ATRX: variants seen among roughly 807,000 people sequenced by gnomAD.
ATRX encodes ATRX chromatin remodeler.
Under a neutral mutation model 172.6 loss-of-function variants are expected in ATRX, and 12 were observed. The observed-to-expected ratio is 0.07, with a 90% CI of 0.04 to 0.11. The LOEUF is 0.11. ATRX is among the 10% of genes least tolerant of loss of function. ATRX has a pLI of 1.00. For missense variants in ATRX, 1,368 were observed against 1,767.4 expected, an observed-to-expected ratio of 0.77 and a Z score of 4.05; for synonymous variants, 674 against 594.7, an observed-to-expected ratio of 1.13 and a Z score of -1.94.
At chrX:77,608,075 C>T (rs1400568444) in intron 22 of ATRX, among the ~76,000 whole-genome samples, 1 of 110,849 alleles carries the variant, frequency 9.0e-6, no homozygotes, top group Non-Finnish European at 1.9e-5. Context: ...CAGCATCGTA[C>T]TAGCATAAAA....
At chrX:77,527,171 C>G (rs137962127) in intron 30 of ATRX, among the ~76,000 whole-genome samples, 268 of 112,226 alleles carry the variant, frequency 2.4e-3, no homozygotes, top group African/African-American at 8.4e-3. Context: ...CACATTGACA[C>G]ACACACACCT....
chrX:77,549,071 A>G (rs1275390263), intron 30 of ATRX, among the ~76,000 whole-genome samples: 7 of 111,995 alleles, frequency 6.3e-5, no homozygotes, highest in Non-Finnish European at 1.3e-4. Flanking sequence ...GGAACAAAAC[A>G]CCCACTTAAG....
At chrX:77,582,411 A>T (rs2065857941) in intron 27 of ATRX, among the ~76,000 whole-genome samples, 1 of 110,268 alleles carries the variant, frequency 9.1e-6, no homozygotes, top group Admixed American at 9.8e-5. Flanking sequence ...AAAAAAAAGA[A>T]AAAAAAAACA....
At chrX:77,724,216 G>A (rs1250161774) in intron 1 of ATRX, among the ~76,000 whole-genome samples, 1 of 109,832 alleles carries the variant, frequency 9.1e-6, no homozygotes, top group African/African-American at 3.3e-5. Flanking sequence ...GGGAGAGACT[G>A]CAGTGAGCCA....
At chrX:77,780,217 T>C (rs1314982156) in intron 1 of ATRX, among the ~76,000 whole-genome samples, 1 of 111,945 alleles carries the variant, frequency 8.9e-6, no homozygotes, top group Non-Finnish European at 1.9e-5. Context: ...GGCAAAAAGA[T>C]ATAAATACAC....
At chrX:77,569,394 G>T (rs1477296806) in intron 28 of ATRX, among the ~76,000 whole-genome samples, 5 of 111,093 alleles carry the variant, frequency 4.5e-5, no homozygotes, top group Non-Finnish European at 9.4e-5. Flanking sequence ...CACAATTATA[G>T]TTGGAGACTT....
At chrX:77,581,418 TTA>T in intron 27 of ATRX, among the ~76,000 whole-genome samples, 1 of 111,891 alleles carries the variant, frequency 8.9e-6, no homozygotes, top group East Asian at 2.8e-4. Flanking sequence ...ACAGCTATAC[TTA>T]TATAGGACAA....
At chrX:77,622,447 G>A (rs1469710614) in intron 19 of ATRX, among the ~76,000 whole-genome samples, 1 of 111,503 alleles carries the variant, frequency 9.0e-6, no homozygotes, top group Non-Finnish European at 1.9e-5. Context: ...AAATACAGGG[G>A]TAGAGGAAGT....
Position 77,682,681 on chromosome X carries a change from C to G in ATRX, c.2575G>C (p.Gly859Arg), listed in dbSNP as rs782522072. The change falls in exon 9 of 35, where the codon GGA becomes CGA. Residue 859 changes from glycine (G) to arginine (R), a missense_variant. By Grantham distance (125) the Gly-to-Arg change is moderately radical. Coordinates refer to ENST00000373344, the MANE Select transcript of ATRX (RefSeq NM_000489.6). ...TTTTTGTGCCCTTGATTATCCATTCCTTTTTTGCTGTGTTTCTCATCTTCA... is the reference window on the plus strand; with the variant it reads ...TTTTTGTGCCCTTGATTATCCATTCGTTTTTTGCTGTGTTTCTCATCTTCA... ...SSEDEKHSKKGMDNQGHKNLK... is the reference protein window; with the variant it reads ...SSEDEKHSKKRMDNQGHKNLK... 2 of 1,209,038 alleles carry G rather than the reference C, an allele frequency of 1.7e-6. No homozygotes were observed. The highest frequency in any genetic ancestry group is 2.2e-6 in the Non-Finnish European group (2 of 895,147).
intron 12 of ATRX, among the ~76,000 whole-genome samples, chrX:77,662,901 T>C (rs781922442): frequency 1.8e-5 from 2 of 110,806 alleles, no homozygotes; most frequent in Non-Finnish European, 3.8e-5. Context: ...TTCACCGTGT[T>C]AGCCAGGATG....
At chrX:77,688,496 C>G (rs782638176) in intron 7 of ATRX, among the ~76,000 whole-genome samples, 1 of 111,566 alleles carries the variant, frequency 9.0e-6, no homozygotes, top group South Asian at 3.8e-4. Context: ...CTACCAGTAT[C>G]TGAATACTAT....
At chrX:77,737,132 A>C (rs1651220057) in intron 1 of ATRX, among the ~76,000 whole-genome samples, 1 of 110,307 alleles carries the variant, frequency 9.1e-6, no homozygotes, top group Non-Finnish European at 1.9e-5. Flanking sequence ...CATGAATAAG[A>C]CCTAGTATTT....
At chrX:77,734,021 G>GTGAA (rs1473829776) in intron 1 of ATRX, among the ~76,000 whole-genome samples, 1 of 109,442 alleles carries the variant, frequency 9.1e-6, no homozygotes, top group African/African-American at 3.3e-5. Flanking sequence ...GGGCAACATG[G>GTGAA]TGAAACTCCA....
intron 30 of ATRX, among the ~76,000 whole-genome samples, chrX:77,526,317 C>G (rs2063380994): frequency 9.0e-6 from 1 of 111,668 alleles, no homozygotes; most frequent in Non-Finnish European, 1.9e-5. Flanking sequence ...CACTTTTTAA[C>G]TTTTATTTAT....
chrX:77,729,455 G>A (rs2148806053), intron 1 of ATRX, among the ~76,000 whole-genome samples: 1 of 111,799 alleles, frequency 8.9e-6, no homozygotes, highest in East Asian at 2.8e-4. Flanking sequence ...TTTCATGCAG[G>A]AAAAGTTTTA....
intron 1 of ATRX, among the ~76,000 whole-genome samples, chrX:77,728,869 C>T (rs1193026065): frequency 1.9e-5 from 2 of 105,642 alleles, no homozygotes; most frequent in Non-Finnish European, 3.9e-5. Flanking sequence ...TCAAGCAATT[C>T]TCCTGCCTCA....
chrX:77,542,705 G>T (rs2064059109), intron 30 of ATRX, among the ~76,000 whole-genome samples: 1 of 111,636 alleles, frequency 9.0e-6, no homozygotes. Context: ...CTGACACAAA[G>T]AAGCAATGGG....
In ATRX at chrX:77,682,526, C is replaced by G. The variant is rs1206627354; in HGVS notation, c.2730G>C (p.Lys910Asn). The G allele has an allele frequency of 3.3e-6, 4 of 1,209,786 alleles. No individual in the cohort carries two copies. In the African/African-American group the frequency reaches 5.2e-5, roughly 16 times the overall value. ...CAGTGGAAGCACTTGCTTGCTGCTT[C>G]TTAGGAAGTCGATCTCTTAATTCCA... ...TIMELRDRLP[K>N]KQQASASTDG... The change falls in exon 9 of 35, where the codon AAG (lysine) becomes AAC (asparagine). Residue 910 changes from lysine (K) to asparagine (N), a missense_variant. Around this residue, in one of 17 missense-constraint regions of ATRX, gnomAD observed 843 missense variants for 643.1 expected, o/e 1.31. Coordinates refer to ENST00000373344, the MANE Select transcript of ATRX (RefSeq NM_000489.6).
chrX:77,654,226 AAAAT>A (rs782791286), intron 13 of ATRX, 26 bp from the exon 14 acceptor site: 2 of 1,109,640 alleles, frequency 1.8e-6, no homozygotes, highest in East Asian at 6.0e-5. Flanking sequence ...AACACAAAAT[AAAAT>A]ATTTCATGAT....
Sources: gnomAD v4.1 joint callset for allele counts (sites outside exome capture counted in the v4.1 genomes callset) on GRCh38, gnomAD v4.1.1 for gene constraint, gnomAD v4.1.1 regional missense constraint, MANE v1.5 for transcripts, NCBI Gene and HGNC (gene_info 2026-07-23, HGNC 2026-07-21) for gene names.